The following GALNT13 variants were observed in gnomAD, a reference collection of about 807,000 sequenced individuals.
GALNT13 encodes the protein polypeptide N-acetylgalactosaminyltransferase 13, also known as UDP-GalNAc:polypeptide N-acetylgalactosaminyltransferase 13.
GALNT13 carries 28 observed loss-of-function variants against 64.2 expected under a neutral mutation model. The ratio of observed to expected loss-of-function variants is 0.44; its 90% CI spans 0.32 to 0.60. The LOEUF (loss-of-function observed/expected upper bound fraction) is 0.60, where lower values mean the gene tolerates loss of function less well. GALNT13 is among the 20% of genes least tolerant of loss of function. GALNT13 has a pLI of 0.05. For missense variants in GALNT13, 577 were observed against 669.8 expected, an observed-to-expected ratio of 0.86 and a Z score of 1.53; for synonymous variants, 214 against 224.6, an observed-to-expected ratio of 0.95 and a Z score of 0.42.
At chr2:154,015,220 C>T (rs887115931) in intron 3 of GALNT13, among the ~76,000 whole-genome samples, 3 of 152,050 alleles carry the variant, frequency 2.0e-5, no homozygotes, top group African/African-American at 7.2e-5. Context: ...TGGTTAGCAA[C>T]TTAAAATATG....
the GALNT13 span, among the ~76,000 whole-genome samples, chr2:153,188,727 A>G: frequency 6.6e-6 from 1 of 152,136 alleles, no homozygotes; most frequent in African/African-American, 2.4e-5. Context: ...TGATATAGAG[A>G]TTAGAATATG....
chr2:153,916,341 G>C (rs1689344752), intron 2 of GALNT13, among the ~76,000 whole-genome samples: 1 of 151,862 alleles, frequency 6.6e-6, no homozygotes, highest in South Asian at 2.1e-4. Flanking sequence ...ATTTTTAGTA[G>C]CAATGAGGTC....
At chr2:153,765,378 G>C in the GALNT13 span, among the ~76,000 whole-genome samples, 3 of 152,280 alleles carry the variant, frequency 2.0e-5, no homozygotes, top group South Asian at 4.2e-4. Context: ...AGATCATTTT[G>C]GAACTTTAAG....
chr2:154,428,541 T>C (rs200940103), intron 11 of GALNT13, among the ~76,000 whole-genome samples: 1 of 152,320 alleles, frequency 6.6e-6, no homozygotes, highest in East Asian at 1.9e-4. Flanking sequence ...TGAATACATG[T>C]ATATGTATCT....
intron 4 of GALNT13, among the ~76,000 whole-genome samples, chr2:154,166,934 A>C (rs1302417772): frequency 2.0e-5 from 3 of 151,972 alleles, no homozygotes; most frequent in Admixed American, 1.3e-4. Flanking sequence ...CAATGAGAAC[A>C]CATGGACACA....
At chr2:154,178,806 C>G (rs1241750735) in intron 4 of GALNT13, among the ~76,000 whole-genome samples, 1 of 152,158 alleles carries the variant, frequency 6.6e-6, no homozygotes, top group African/African-American at 2.4e-5. Context: ...ATGAGTCTGC[C>G]AGAATTGTCT....
chr2:153,575,138 C>A, the GALNT13 span, among the ~76,000 whole-genome samples: 1 of 152,176 alleles, frequency 6.6e-6, no homozygotes. Context: ...TCTTGATAGT[C>A]TTTGACAGGA....
At chr2:153,933,917 G>A (rs958818098) in intron 2 of GALNT13, among the ~76,000 whole-genome samples, 1 of 152,058 alleles carries the variant, frequency 6.6e-6, no homozygotes, top group South Asian at 2.1e-4. Context: ...CTGAATATAG[G>A]CCCCACAGTC....
At chr2:154,010,945 T>G (rs1241370640) in intron 3 of GALNT13, among the ~76,000 whole-genome samples, 1 of 151,990 alleles carries the variant, frequency 6.6e-6, no homozygotes, top group Admixed American at 6.6e-5. Context: ...TCAGTGATAA[T>G]GTCCCCTATG....
At chr2:154,192,974 G>T (rs1479977567) in intron 4 of GALNT13, among the ~76,000 whole-genome samples, 2 of 152,116 alleles carry the variant, frequency 1.3e-5, no homozygotes, top group South Asian at 2.1e-4. Flanking sequence ...TCCATTTCTT[G>T]AGTAAAAAGC....
the GALNT13 span, among the ~76,000 whole-genome samples, chr2:153,449,072 T>G: frequency 6.6e-6 from 1 of 152,220 alleles, no homozygotes; most frequent in East Asian, 1.9e-4. Flanking sequence ...CTCTCTCTCC[T>G]GTGCATGTAC....
At chr2:153,309,754 A>G in the GALNT13 span, among the ~76,000 whole-genome samples, 1 of 152,106 alleles carries the variant, frequency 6.6e-6, no homozygotes, top group Non-Finnish European at 1.5e-5. Context: ...AAGAAATTAC[A>G]TATAGTATAA....
chr2:154,052,335 A>G (rs1366306835), intron 3 of GALNT13, among the ~76,000 whole-genome samples: 2 of 152,118 alleles, frequency 1.3e-5, no homozygotes, highest in African/African-American at 2.4e-5. Context: ...CATACATTCT[A>G]TGTTTTAATC....
intron 4 of GALNT13, among the ~76,000 whole-genome samples, chr2:154,235,285 T>A (rs978592653): frequency 1.3e-5 from 2 of 152,138 alleles, no homozygotes; most frequent in African/African-American, 4.8e-5. Context: ...TTTTAAAAAA[T>A]TGAATTACCC....
the GALNT13 span, among the ~76,000 whole-genome samples, chr2:153,209,357 A>G: frequency 1.3e-5 from 2 of 152,044 alleles, no homozygotes; most frequent in East Asian, 3.9e-4. Context: ...GTATGGCTTA[A>G]GGTAAGGGTA....
chr2:154,069,788 A>G (rs553008082), intron 3 of GALNT13, among the ~76,000 whole-genome samples: 2 of 152,202 alleles, frequency 1.3e-5, no homozygotes, highest in African/African-American at 4.8e-5. Flanking sequence ...TAATGTTTAC[A>G]TGAAAATAGT....
chr2:153,071,873 G>T, the GALNT13 span, among the ~76,000 whole-genome samples: 26 of 152,124 alleles, frequency 1.7e-4, no homozygotes, highest in Admixed American at 1.6e-3. Flanking sequence ...ACCATATGTG[G>T]CCCAGAAAGC....
intron 8 of GALNT13, among the ~76,000 whole-genome samples, chr2:154,269,904 G>GTATATATATATA (rs1404105316): frequency 3.8e-4 from 5 of 13,158 alleles, no homozygotes; most frequent in African/African-American, 5.0e-4. Flanking sequence ...TTATATATAT[G>GTATATATATATA]TGTATATATA....
At chr2:153,319,593 T>G in the GALNT13 span, among the ~76,000 whole-genome samples, 3 of 152,194 alleles carry the variant, frequency 2.0e-5, no homozygotes, top group African/African-American at 4.8e-5. Flanking sequence ...TCACATTTAT[T>G]AAGCCAGATT....
Sources: gnomAD v4.1 joint callset for allele counts (sites outside exome capture counted in the v4.1 genomes callset) on GRCh38, gnomAD v4.1.1 for gene constraint, MANE v1.5 for transcripts, NCBI Gene and HGNC (gene_info 2026-07-23, HGNC 2026-07-21) for gene names.